Variants in SRGAP1 observed in about 807,000 individuals in gnomAD.
SRGAP1 encodes the protein SLIT-ROBO Rho GTPase-activating protein 1.
In SRGAP1, 43 loss-of-function variants were observed where a neutral mutation model predicts 121.9. The observed-to-expected ratio is 0.35, with a 90% CI of 0.28 to 0.46. The LOEUF is 0.46. Among genes scored for constraint, SRGAP1 ranks in the 20% least tolerant of loss-of-function variants. SRGAP1 has a pLI of 1.00. For missense variants in SRGAP1, 1,102 were observed against 1,350.9 expected (o/e 0.82, Z 2.89); for synonymous variants, 447 against 485.4 (o/e 0.92, Z 1.04).
intron 1 of SRGAP1, among the ~76,000 whole-genome samples, chr12:63,930,351 AAGGGG>A (rs1292189628): frequency 2.8e-5 from 4 of 145,200 alleles, no homozygotes; most frequent in Non-Finnish European, 5.9e-5. Flanking sequence ...AAAAAAAAAA[AAGGGG>A]AGCCCTCTTT....
At chr12:63,855,608 A>C (rs937665121) in intron 1 of SRGAP1, among the ~76,000 whole-genome samples, 1 of 143,614 alleles carries the variant, frequency 7.0e-6, no homozygotes, top group African/African-American at 2.6e-5. Context: ...CTCATGCCTC[A>C]GCTTCCCAAG....
chr12:63,931,386 C>T (rs2031469946), intron 1 of SRGAP1, among the ~76,000 whole-genome samples: 1 of 152,190 alleles, frequency 6.6e-6, no homozygotes, highest in African/African-American at 2.4e-5. Flanking sequence ...GAAATCATTT[C>T]ACTGGAAAAA....
intron 11 of SRGAP1, among the ~76,000 whole-genome samples, chr12:64,090,281 A>T (rs2036025760): frequency 6.6e-6 from 1 of 152,252 alleles, no homozygotes; most frequent in Non-Finnish European, 1.5e-5. Flanking sequence ...GTCAGAGAGA[A>T]TGGTTTATTC....
At chr12:63,927,709 A>G (rs1309326023) in intron 1 of SRGAP1, among the ~76,000 whole-genome samples, 6 of 152,084 alleles carry the variant, frequency 3.9e-5, no homozygotes, top group African/African-American at 7.2e-5. Flanking sequence ...CTCATGTCCA[A>G]TCTCTTCAGA....
intron 6 of SRGAP1, among the ~76,000 whole-genome samples, chr12:64,056,462 A>G (rs1056241444): frequency 6.6e-6 from 1 of 150,606 alleles, no homozygotes; most frequent in African/African-American, 2.4e-5. Context: ...ATGAGGCAGG[A>G]GAATCACTTG....
At chr12:64,095,991 C>T (rs1042016408) in intron 14 of SRGAP1, among the ~76,000 whole-genome samples, 4 of 152,142 alleles carry the variant, frequency 2.6e-5, no homozygotes, top group Non-Finnish European at 5.9e-5. Context: ...TGATACGGGT[C>T]AAGTCGCTCA....
intron 1 of SRGAP1, chr12:63,872,016 G>T: frequency 2.3e-6 from 2 of 858,566 alleles, no homozygotes; most frequent in East Asian, 2.4e-5. Context: ...TGCTTACAAA[G>T]GTTCTTCGGG....
chr12:63,876,857 A>G (rs1432093693), intron 1 of SRGAP1, among the ~76,000 whole-genome samples: 1 of 152,216 alleles, frequency 6.6e-6, no homozygotes, highest in Non-Finnish European at 1.5e-5. Context: ...ATTATTAATG[A>G]ACCTTTTAAA....
chr12:64,127,962 C>T lies in SRGAP1; in HGVS notation c.2642C>T (p.Ser881Leu). 6.2e-7 allele frequency: 1 copy of T among 1,614,216 alleles called. No individual in the cohort carries two copies. The highest frequency in any genetic ancestry group is 8.5e-7 in the Non-Finnish European group (1 of 1,180,036). Residue 881 changes from serine to leucine, a missense_variant, in exon 21 of 22, where the codon TCA becomes TTA. Physicochemically the swap from Ser to Leu is moderately radical, Grantham distance 145 (BLOSUM62 -2). Around this residue, in one of 3 missense-constraint regions of SRGAP1, gnomAD observed 315 missense variants for 343.1 expected, o/e 0.92. Transcript: ENST00000355086. Reference sequence around the variant, plus strand: ...CCTCCACATGCCCTTTCTAACTCCTCAGTTGACCTAGGGTCCCCAAGCCTT... The same window carrying T: ...CCTCCACATGCCCTTTCTAACTCCTTAGTTGACCTAGGGTCCCCAAGCCTT... ...LHPPHALSNS[S>L]VDLGSPSLAS...
At chr12:63,969,581 C>G (rs2032882973) in intron 1 of SRGAP1, among the ~76,000 whole-genome samples, 1 of 152,166 alleles carries the variant, frequency 6.6e-6, no homozygotes, top group South Asian at 2.1e-4. Flanking sequence ...ATCACGAGGT[C>G]AGGAGATTGA....
intron 1 of SRGAP1, among the ~76,000 whole-genome samples, chr12:63,974,337 T>G (rs1038434960): frequency 7.9e-5 from 12 of 152,196 alleles, no homozygotes; most frequent in Admixed American, 7.9e-4. Context: ...CTGACAGTTT[T>G]GTAGTAAGCT....
intron 1 of SRGAP1, among the ~76,000 whole-genome samples, chr12:63,913,008 AG>A (rs1412996367): frequency 2.0e-5 from 3 of 152,058 alleles, no homozygotes; most frequent in Admixed American, 2.0e-4. Flanking sequence ...TTCATCAAAT[AG>A]GGTGCTATTC....
intron 1 of SRGAP1, among the ~76,000 whole-genome samples, chr12:63,913,865 A>AT (rs949558847): frequency 5.5e-4 from 83 of 151,162 alleles, no homozygotes; most frequent in African/African-American, 1.6e-3. Context: ...CTTAATTTTT[A>AT]TTTTTTTTTC....
intron 3 of SRGAP1, among the ~76,000 whole-genome samples, chr12:64,002,664 G>A (rs1465001624): frequency 1.3e-5 from 2 of 152,194 alleles, no homozygotes; most frequent in Non-Finnish European, 2.9e-5. Context: ...TAGGAGCATT[G>A]TGTGAGTTCT....
chr12:64,050,232 A>C (rs181081538), intron 6 of SRGAP1, among the ~76,000 whole-genome samples: 405 of 152,258 alleles, frequency 2.7e-3, no homozygotes, highest in Non-Finnish European at 4.7e-3. Flanking sequence ...GTATCCTGTA[A>C]CTTTACTGAA....
intron 1 of SRGAP1, among the ~76,000 whole-genome samples, chr12:63,867,428 G>T (rs1592896806): frequency 6.6e-6 from 1 of 152,242 alleles, no homozygotes; most frequent in Admixed American, 6.5e-5. Flanking sequence ...TTTACCAATA[G>T]CCACCTCTGT....
At chr12:63,848,286 A>C (rs1336535405) in intron 1 of SRGAP1, among the ~76,000 whole-genome samples, 1 of 152,120 alleles carries the variant, frequency 6.6e-6, no homozygotes, top group African/African-American at 2.4e-5. Flanking sequence ...TGCTGGGATT[A>C]CAGGCATGAG....
chr12:64,092,968 A>T (rs1219141797), intron 12 of SRGAP1, among the ~76,000 whole-genome samples: 5 of 152,192 alleles, frequency 3.3e-5, no homozygotes, highest in Admixed American at 2.6e-4. Flanking sequence ...ATCATGGAAA[A>T]TTCACTTATA....
intron 1 of SRGAP1, among the ~76,000 whole-genome samples, chr12:63,890,100 T>C (rs1900527565): frequency 6.6e-6 from 1 of 152,202 alleles, no homozygotes; most frequent in Non-Finnish European, 1.5e-5. Context: ...ACTTTGCAGG[T>C]ACTTCTGGTG....
Sources: gnomAD v4.1 joint callset for allele counts (sites outside exome capture counted in the v4.1 genomes callset) on GRCh38, gnomAD v4.1.1 for gene constraint, gnomAD v4.1.1 regional missense constraint, MANE v1.5 for transcripts, NCBI Gene and HGNC (gene_info 2026-07-23, HGNC 2026-07-21) for gene names.